RTN4: variants seen among roughly 807,000 people sequenced by gnomAD.
RTN4 encodes the protein reticulon-4.
A neutral mutation model predicts 90.4 loss-of-function variants in RTN4; 32 were observed. The ratio of observed to expected loss-of-function variants is 0.35; its 90% CI spans 0.27 to 0.48. RTN4 has a LOEUF of 0.48. Among genes scored for constraint, RTN4 ranks in the 20% least tolerant of loss-of-function variants. The pLI is 0.99. For missense variants in RTN4, 1,706 were observed against 1,430.2 expected, an observed-to-expected ratio of 1.19 and a Z score of -3.11; for synonymous variants, 629 against 552.5, an observed-to-expected ratio of 1.14 and a Z score of -1.94.
chr2:55,097,269 T>G (rs1455386778), intron 1 of RTN4, among the ~76,000 whole-genome samples: 1 of 145,516 alleles, frequency 6.9e-6, no homozygotes, highest in Non-Finnish European at 1.5e-5. Flanking sequence ...GCCACTGCAC[T>G]CCAGCCTGGA....
At position 55,025,983 on chromosome 2, in the gene RTN4, T is replaced by C. The variant is rs201377879; in HGVS notation, c.2116A>G (p.Lys706Glu). 5.0e-6 allele frequency: 8 copies of C among 1,612,694 alleles called. No individual in the cohort carries two copies. Among genetic ancestry groups the C allele is most frequent in the Non-Finnish European group, 5.9e-6 (7 of 1,179,796 alleles). Residue 706 changes from lysine (K) to glutamate (E), a missense_variant, in exon 3 of 9, where the codon AAG (lysine) becomes GAG (glutamate). Transcript: ENST00000337526. Reference protein sequence around the residue: ...SIACDLIKETKLSAEPAPDFS... With the variant: ...SIACDLIKETELSAEPAPDFS... ...TCCGGAGCTGGTTCAGCAGAAAGCT[T>C]TGTTTCTTTAATTAAATCACATGCA... is the stretch of plus-strand genomic sequence containing the variant.
chr2:55,075,430 TA>T (rs1227827187), intron 2 of RTN4, among the ~76,000 whole-genome samples: 2 of 152,104 alleles, frequency 1.3e-5, no homozygotes, highest in Non-Finnish European at 2.9e-5. Context: ...ACTGCTGAAA[TA>T]AATCATAGGT....
intron 1 of RTN4, among the ~76,000 whole-genome samples, chr2:55,038,754 A>T (rs1682862857): frequency 6.6e-6 from 1 of 152,236 alleles, no homozygotes; most frequent in African/African-American, 2.4e-5. Flanking sequence ...TCTACTCTCA[A>T]GTATTTACCT....
chr2:55,045,532 A>G (rs545896265), intron 1 of RTN4, among the ~76,000 whole-genome samples: 1 of 152,078 alleles, frequency 6.6e-6, no homozygotes, highest in African/African-American at 2.4e-5. Flanking sequence ...ATTGTCACCA[A>G]TTTTCTAATA....
intron 1 of RTN4, 37 bp downstream of exon 1, chr2:55,049,708 C>T (rs1048497571): frequency 2.1e-6 from 3 of 1,411,078 alleles, no homozygotes; most frequent in African/African-American, 3.0e-5. Context: ...GGGAGGGGCG[C>T]GAGGGGCGGC....
intron 3 of RTN4, among the ~76,000 whole-genome samples, chr2:54,996,961 C>T (rs949120115): frequency 1.3e-4 from 20 of 152,110 alleles, no homozygotes; most frequent in African/African-American, 4.6e-4. Context: ...ATTTTCATGA[C>T]TTTGGATTAG....
In RTN4 at chr2:54,982,589, G is replaced by C. The variant is rs771688484; in HGVS notation, c.3286C>G (p.Leu1096Val). The C allele has an allele frequency of 1.2e-6, 2 of 1,613,658 alleles. No homozygotes were observed. The highest frequency in any genetic ancestry group is 1.1e-5 in the South Asian group (1 of 91,028). Residue 1096 changes from leucine (L) to valine (V), a missense_variant, in exon 5 of 9, where the codon CTT becomes GTT. Physicochemically the swap from Leu to Val is conservative, Grantham distance 32. Transcript: ENST00000337526. ...TTTATCGTGCAGTTCACATGACCAAGAGCAGAATTACTGTACTTCTGAACC... is the reference window on the plus strand; with the variant it reads ...TTTATCGTGCAGTTCACATGACCAACAGCAGAATTACTGTACTTCTGAACC... Reference protein sequence around the residue: ...ELVQKYSNSALGHVNCTIKEL... With the variant: ...ELVQKYSNSAVGHVNCTIKEL...
At chr2:55,021,214 G>T (rs1681403341) in intron 3 of RTN4, among the ~76,000 whole-genome samples, 2 of 151,974 alleles carry the variant, frequency 1.3e-5, no homozygotes, top group African/African-American at 2.4e-5. Context: ...GCTGTATTTT[G>T]GTACATTTGA....
Position 54,973,553 on chromosome 2 carries a change from A to G in RTN4, c.3536+10T>C, listed in dbSNP as rs1677323502. ...TCCTAGTAAAAACACTGCAGATTTTAAATACTTACTTAGCCATAGCATCTT... is the reference window on the plus strand; with the variant it reads ...TCCTAGTAAAAACACTGCAGATTTTGAATACTTACTTAGCCATAGCATCTT... On this transcript the variant is annotated intron_variant, in intron 8 of 8. Coordinates refer to ENST00000337526, the MANE Select transcript of RTN4 (RefSeq NM_020532.5). 1.3e-6 allele frequency: 2 copies of G among 1,592,636 alleles called. No homozygotes were observed. The highest frequency in any genetic ancestry group is 2.2e-5 in the East Asian group (1 of 44,704).
chr2:55,130,110 T>C, the RTN4 span, among the ~76,000 whole-genome samples: 1 of 152,202 alleles, frequency 6.6e-6, no homozygotes, highest in African/African-American at 2.4e-5. Flanking sequence ...CTGAATGTCC[T>C]CTAGTAAAGG....
rs551599988 is a variant in RTN4 at position 55,036,344 on chromosome 2, G to T, written c.557-8124C>A. 5.3e-5 allele frequency among the ~76,000 whole-genome samples: 8 copies of T among 152,150 alleles called. No individual in the cohort carries two copies. The East Asian group carries it at 1.5e-3, about 29-fold the overall frequency. On this transcript the variant is annotated intron_variant, in intron 1 of 8. Transcript: ENST00000337526. ...AGGTCGCACGCAGTGGCTCATGCCT[G>T]TAATCCCAGCACTTTGGGAGGCTGA...
At chr2:54,978,228 G>A (rs950473003) in intron 5 of RTN4, among the ~76,000 whole-genome samples, 6 of 152,030 alleles carry the variant, frequency 3.9e-5, no homozygotes, top group Non-Finnish European at 4.4e-5. Context: ...TCAGGAGTTC[G>A]AGACCAGTCT....
chr2:55,058,882 A>G (rs984743045), intron 2 of RTN4, among the ~76,000 whole-genome samples: 1 of 150,720 alleles, frequency 6.6e-6, no homozygotes, highest in Non-Finnish European at 1.5e-5. Flanking sequence ...TTTTTAAATT[A>G]TAATAATAGA....
Position 55,026,531 on chromosome 2 carries a change from T to C in RTN4, c.1568A>G (p.Gln523Arg), listed in dbSNP as rs371866281. Reference sequence around the variant, plus strand: ...TGTGACATAATCTGTCTCAGAATCCTGTGCTGCTACAAGAAAAGGGTTTGA... The same window carrying C: ...TGTGACATAATCTGTCTCAGAATCCCGTGCTGCTACAAGAAAAGGGTTTGA... ...KTSNPFLVAA[Q>R]DSETDYVTTD... The change falls in exon 3 of 9, where the codon CAG becomes CGG. Residue 523 changes from glutamine (Q) to arginine (R), a missense_variant. Transcript: ENST00000337526. 2.5e-5 allele frequency: 40 copies of C among 1,613,814 alleles called. No homozygotes were observed. The highest frequency in any genetic ancestry group is 1.2e-5 in the Non-Finnish European group (14 of 1,179,948).
intron 3 of RTN4, among the ~76,000 whole-genome samples, chr2:55,019,935 T>C (rs539463406): frequency 3.5e-4 from 53 of 151,912 alleles, no homozygotes; most frequent in African/African-American, 1.2e-3. Context: ...AGAAATCAAG[T>C]AGGAAACTCC....
chr2:55,008,972 A>G (rs1680436738), intron 3 of RTN4, among the ~76,000 whole-genome samples: 1 of 152,206 alleles, frequency 6.6e-6, no homozygotes, highest in African/African-American at 2.4e-5. Context: ...CCTAAAGGCA[A>G]AACCCAAAGC....
the RTN4 span, among the ~76,000 whole-genome samples, chr2:55,118,721 G>C: frequency 6.6e-6 from 1 of 152,166 alleles, no homozygotes; most frequent in African/African-American, 2.4e-5. Flanking sequence ...CATCAGTGCA[G>C]AGGGAAAAGG....
At chr2:55,082,153 T>G (rs527873151) in intron 1 of RTN4, among the ~76,000 whole-genome samples, 1 of 152,288 alleles carries the variant, frequency 6.6e-6, no homozygotes, top group East Asian at 1.9e-4. Flanking sequence ...CAGAGATTAT[T>G]TCTAACTGGC....
chr2:55,045,341 A>G (rs961066594), intron 1 of RTN4, among the ~76,000 whole-genome samples: 3 of 152,192 alleles, frequency 2.0e-5, no homozygotes, highest in Admixed American at 2.0e-4. Flanking sequence ...CTAACTATAA[A>G]AACAGATTCA....
Sources: allele counts gnomAD v4.1 joint callset (sites outside exome capture counted in the v4.1 genomes callset), GRCh38; gene constraint gnomAD v4.1.1; transcripts MANE v1.5; gene names NCBI Gene and HGNC (gene_info 2026-07-23, HGNC 2026-07-21).